The following MRTFA variants were observed in gnomAD, a reference collection of about 807,000 sequenced individuals.
The protein encoded by MRTFA is myocardin related transcription factor A.
MRTFA carries 20 observed loss-of-function variants against 83.5 expected under a neutral mutation model. That is an observed-to-expected ratio of 0.24 (90% confidence interval 0.17 to 0.35). MRTFA has a LOEUF of 0.35. Among genes scored for constraint, MRTFA ranks in the 10% least tolerant of loss-of-function variants. MRTFA has a pLI of 1.00. For synonymous variants in MRTFA, 659 were observed against 541.2 expected, an observed-to-expected ratio of 1.22 and a Z score of -3.02; for missense variants, 1,200 against 1,224.7, an observed-to-expected ratio of 0.98 and a Z score of 0.30.
chr22:40,438,136 T>C (rs2053206945), intron 4 of MRTFA, among the ~76,000 whole-genome samples: 1 of 152,160 alleles, frequency 6.6e-6, no homozygotes, highest in Non-Finnish European at 1.5e-5. Context: ...TACTGAGTGC[T>C]ACCAATTACT....
chr22:40,614,237 TA>T (rs963509792), intron 1 of MRTFA, among the ~76,000 whole-genome samples: 17 of 148,666 alleles, frequency 1.1e-4, no homozygotes, highest in Admixed American at 2.0e-4. Flanking sequence ...AAATAAAAAA[TA>T]AAAAAAAATA....
intron 3 of MRTFA, among the ~76,000 whole-genome samples, chr22:40,472,399 A>C (rs764349472): frequency 1.3e-5 from 2 of 152,228 alleles, no homozygotes; most frequent in African/African-American, 2.4e-5. Flanking sequence ...TAATCCACCT[A>C]ATAAGCAGTA....
intron 14 of MRTFA, chr22:40,412,636 A>G (rs2052583753): frequency 1.3e-5 from 2 of 152,256 alleles, no homozygotes; most frequent in South Asian, 4.1e-4. Flanking sequence ...ACAAAAGACA[A>G]TTCATGATTG....
chr22:40,572,593 T>C (rs2055811622), intron 2 of MRTFA, among the ~76,000 whole-genome samples: 1 of 152,142 alleles, frequency 6.6e-6, no homozygotes, highest in Admixed American at 6.5e-5. Flanking sequence ...TAGTTACACT[T>C]GCGTATTACT....
At chr22:40,457,089 G>A (rs937013263) in intron 4 of MRTFA, among the ~76,000 whole-genome samples, 2 of 152,104 alleles carry the variant, frequency 1.3e-5, no homozygotes, top group African/African-American at 4.8e-5. Context: ...GCAGGACCAG[G>A]CATAGTGGCT....
At chr22:40,616,326 A>C (rs558728937) in intron 1 of MRTFA, among the ~76,000 whole-genome samples, 27 of 152,220 alleles carry the variant, frequency 1.8e-4, no homozygotes, top group Admixed American at 1.4e-3. Context: ...GAGCCTACAG[A>C]GAGCAAAAGG....
At chr22:40,610,068 CAG>C (rs1491382960) in intron 1 of MRTFA, among the ~76,000 whole-genome samples, 1 of 118,196 alleles carries the variant, frequency 8.5e-6, no homozygotes, top group Non-Finnish European at 1.7e-5. Flanking sequence ...TTTTTTGAGA[CAG>C]AGTCTCACCC....
intron 1 of MRTFA, among the ~76,000 whole-genome samples, chr22:40,607,131 T>C (rs1019944805): frequency 2.0e-5 from 3 of 152,194 alleles, no homozygotes; most frequent in Admixed American, 2.0e-4. Context: ...GTAACTGTGC[T>C]GGGTGAAGCC....
rs914387304 is a variant in MRTFA at position 40,552,155 on chromosome 22, G to A, written c.192C>T (p.Leu64=). The A allele has an allele frequency of 1.1e-4, 42 of 398,958 alleles. No homozygotes were observed. Among genetic ancestry groups the A allele is most frequent in the African/African-American group, 6.6e-4 (32 of 48,708 alleles). 24.7% of individuals were successfully genotyped at this position (398,958 alleles called of 1,614,324 possible). A position where few individuals can be genotyped will look rare whatever the true frequency, so the allele number is the denominator to read the frequency against. The change falls in exon 3 of 15, where the codon CTC becomes CTT. Residue 64 remains leucine (L), a synonymous_variant. Transcript: ENST00000355630. Reference sequence around the variant, plus strand: ...GCAAATTGGGATTCCTGCCAGGGTGGAGGCCTAGGGTCAGCTCGGGCTGCA... The same window carrying A: ...GCAAATTGGGATTCCTGCCAGGGTGAAGGCCTAGGGTCAGCTCGGGCTGCA...
At chr22:40,518,679 C>T (rs1030948037) in intron 3 of MRTFA, among the ~76,000 whole-genome samples, 1 of 150,588 alleles carries the variant, frequency 6.6e-6, no homozygotes, top group African/African-American at 2.4e-5. Flanking sequence ...CCTGTAGTCC[C>T]GGCTTCTCAG....
chr22:40,541,119 T>C (rs2055283637), intron 3 of MRTFA, among the ~76,000 whole-genome samples: 1 of 152,006 alleles, frequency 6.6e-6, no homozygotes, highest in African/African-American at 2.4e-5. Flanking sequence ...AGAACGAAAA[T>C]GCTGAAATTA....
At chr22:40,517,145 G>T (rs183196939) in intron 3 of MRTFA, among the ~76,000 whole-genome samples, 11 of 152,278 alleles carry the variant, frequency 7.2e-5, no homozygotes, top group Admixed American at 7.2e-4. Context: ...CTGTTCTAGA[G>T]CTCCTGGACT....
chr22:40,587,063 G>T, intron 2 of MRTFA: 1 of 466,778 alleles, frequency 2.1e-6, no homozygotes. Context: ...GGTTTTCCAG[G>T]AGGTTTGTCC....
At chr22:40,583,705 T>C (rs2055982780) in intron 2 of MRTFA, among the ~76,000 whole-genome samples, 3 of 152,116 alleles carry the variant, frequency 2.0e-5, no homozygotes, top group Admixed American at 6.5e-5. Flanking sequence ...TACTGTAAAA[T>C]ACACATACAA....
chr22:40,500,273 C>T (rs1052824053), intron 3 of MRTFA, among the ~76,000 whole-genome samples: 2 of 149,860 alleles, frequency 1.3e-5, no homozygotes, highest in Non-Finnish European at 3.0e-5. Flanking sequence ...AAGTAAAAGT[C>T]TATGCCTACA....
intron 3 of MRTFA, among the ~76,000 whole-genome samples, chr22:40,474,441 A>G (rs893891809): frequency 6.6e-6 from 1 of 152,186 alleles, no homozygotes; most frequent in Non-Finnish European, 1.5e-5. Flanking sequence ...ATTTCAGGGG[A>G]AGTCATAAAA....
intron 2 of MRTFA, among the ~76,000 whole-genome samples, chr22:40,574,997 T>C (rs770353073): frequency 6.6e-6 from 1 of 152,278 alleles, no homozygotes; most frequent in East Asian, 1.9e-4. Flanking sequence ...GACTATAAGC[T>C]AGAAATAGGA....
intron 2 of MRTFA, chr22:40,587,056 T>C (rs1569340921): frequency 1.1e-5 from 5 of 469,882 alleles, no homozygotes; most frequent in Admixed American, 2.4e-5. Context: ...ATTTTCAGGT[T>C]TTCCAGGAGG....
In MRTFA at chr22:40,451,525, C is replaced by T. The variant is rs1035463431; in HGVS notation, c.307+11696G>A. ...CAAGAATGAATGTAAGAAGTGGAGA[C>T]GCAGGATGCTCAATCTTTTCCTTCC... On this transcript the variant is annotated intron_variant, in intron 4 of 14. Coordinates refer to ENST00000355630, the MANE Select transcript of MRTFA (RefSeq NM_020831.6). 4.6e-5 allele frequency among the ~76,000 whole-genome samples: 7 copies of T among 152,188 alleles called. No individual in the cohort carries two copies. The East Asian group carries it at 7.7e-4, about 17-fold the overall frequency.
Sources: gnomAD v4.1 joint callset for allele counts (sites outside exome capture counted in the v4.1 genomes callset) on GRCh38, gnomAD v4.1.1 for gene constraint, MANE v1.5 for transcripts, NCBI Gene and HGNC (gene_info 2026-07-23, HGNC 2026-07-21) for gene names.